Variants in CALD1 observed in about 807,000 individuals in gnomAD.
CALD1 encodes caldesmon 1.
In CALD1, 33 loss-of-function variants were observed where a neutral mutation model predicts 99.9. That is an observed-to-expected ratio of 0.33 (90% CI 0.25 to 0.44). CALD1 has a LOEUF of 0.44. CALD1 is among the 20% of genes least tolerant of loss of function. CALD1 has a pLI of 1.00. For synonymous variants in CALD1, 310 were observed against 325.0 expected (o/e 0.95, Z 0.50); for missense variants, 861 against 962.1 (o/e 0.89, Z 1.39).
intron 3 of CALD1, among the ~76,000 whole-genome samples, chr7:134,925,656 C>T (rs1215343886): frequency 3.3e-5 from 5 of 152,164 alleles, no homozygotes; most frequent in African/African-American, 7.2e-5. Context: ...AATTCACTCA[C>T]TGTCACGAGC....
chr7:134,888,496 T>C (rs1294057628), intron 3 of CALD1, among the ~76,000 whole-genome samples: 2 of 152,204 alleles, frequency 1.3e-5, no homozygotes, highest in Admixed American at 1.3e-4. Flanking sequence ...TCCTCTTACC[T>C]TGCCTCTCCA....
intron 2 of CALD1, among the ~76,000 whole-genome samples, chr7:134,858,029 T>A (rs1318089694): frequency 6.6e-6 from 1 of 152,084 alleles, no homozygotes; most frequent in African/African-American, 2.4e-5. Flanking sequence ...ACTGGAAGTG[T>A]TAGTTGAACA....
At chr7:134,828,290 A>T (rs1799084448) in intron 1 of CALD1, among the ~76,000 whole-genome samples, 1 of 152,266 alleles carries the variant, frequency 6.6e-6, no homozygotes, top group Non-Finnish European at 1.5e-5. Flanking sequence ...AATGTGGCTC[A>T]GAGTATATTT....
chr7:134,827,604 T>C (rs1384346788), intron 1 of CALD1, among the ~76,000 whole-genome samples: 1 of 152,214 alleles, frequency 6.6e-6, no homozygotes, highest in Non-Finnish European at 1.5e-5. Flanking sequence ...TTTCTGGACT[T>C]GGCCAGATGA....
chr7:134,929,115 C>T (rs565202369), intron 4 of CALD1, among the ~76,000 whole-genome samples: 6 of 152,296 alleles, frequency 3.9e-5, no homozygotes, highest in African/African-American at 1.4e-4. Flanking sequence ...CTCTCCACCC[C>T]GTTCCCATCT....
intron 1 of CALD1, among the ~76,000 whole-genome samples, chr7:134,824,904 T>C (rs1313429151): frequency 6.6e-6 from 1 of 152,192 alleles, no homozygotes; most frequent in African/African-American, 2.4e-5. Flanking sequence ...CTCCAGGGCC[T>C]GATGTCTCTG....
Position 134,874,811 on chromosome 7 carries a change from C to T in CALD1, c.71+7007C>T, listed in dbSNP as rs543403942. On this transcript the variant is annotated intron_variant, in intron 3 of 14. Coordinates refer to ENST00000361675, the MANE Select transcript of CALD1 (RefSeq NM_033138.4). ...TTTGAAAGTAAATATTTTTACTACACTATAAAAAGAAGCAATTTTTTAAAA... is the reference window on the plus strand; with the variant it reads ...TTTGAAAGTAAATATTTTTACTACATTATAAAAAGAAGCAATTTTTTAAAA... 1.2e-3 allele frequency among the ~76,000 whole-genome samples: 178 copies of T among 152,312 alleles called. 1 individual carries two copies. Among genetic ancestry groups the T allele is most frequent in the South Asian group, 6.4e-3 (31 of 4,826 alleles).
At position 134,910,652 on chromosome 7, in the gene CALD1, T is replaced by TACAC. The variant is rs146858263; in HGVS notation, c.72-18087_72-18084dup. ...AAGACTGATGGCACATGCACACACG[T>TACAC]ACACACACACACACACACGCTCTTG... On this transcript the variant is annotated intron_variant, in intron 3 of 14. Coordinates refer to ENST00000361675, the MANE Select transcript of CALD1 (RefSeq NM_033138.4). 4.1e-3 allele frequency among the ~76,000 whole-genome samples: 608 copies of TACAC among 149,500 alleles called. 5 individuals carry two copies. Among genetic ancestry groups the TACAC allele is most frequent in the African/African-American group, 0.014 (563 of 40,960 alleles).
chr7:134,898,584 A>AT (rs1802747344), intron 3 of CALD1, among the ~76,000 whole-genome samples: 1 of 150,000 alleles, frequency 6.7e-6, no homozygotes, highest in Non-Finnish European at 1.5e-5. Context: ...TTTTATTTTT[A>AT]TTTTTTTGAG....
chr7:134,806,658 AG>A (rs1798150415), intron 1 of CALD1, among the ~76,000 whole-genome samples: 1 of 152,258 alleles, frequency 6.6e-6, no homozygotes, highest in African/African-American at 2.4e-5. Context: ...AAAAGTCTAA[AG>A]TTATTGATTC....
At chr7:134,777,146 C>CT (rs920011561), upstream of CALD1, among the ~76,000 whole-genome samples, 5 of 151,268 alleles carry the variant, frequency 3.3e-5, no homozygotes, top group African/African-American at 4.9e-5. Context: ...CAACATGTAT[C>CT]TTTTTTTTTC....
chr7:134,968,668 T>C lies in CALD1; in HGVS notation c.*323T>C. ...ATCTGAAGTCAACAGAAGATCCAAG[T>C]TTAAAATTGCCTGCGGAATGTGTGC... is the stretch of plus-strand genomic sequence containing the variant. On this transcript the variant is annotated 3_prime_UTR_variant, in exon 15 of 15. Coordinates refer to ENST00000361675, the MANE Select transcript of CALD1 (RefSeq NM_033138.4). 1 of 559,772 alleles carries C rather than the reference T, an allele frequency of 1.8e-6. No homozygotes were observed. The highest frequency in any genetic ancestry group is 3.4e-6 in the Non-Finnish European group (1 of 296,656). The allele number at this position is 559,772 out of a possible 1,614,324, so 34.7% of individuals were successfully genotyped here.
intron 5 of CALD1, among the ~76,000 whole-genome samples, chr7:134,934,568 T>C (rs1018744890): frequency 1.3e-5 from 2 of 151,950 alleles, no homozygotes; most frequent in African/African-American, 4.8e-5. Flanking sequence ...TGAAGAATAA[T>C]GGTCAGACAT....
At chr7:134,782,015 T>C (rs983159917) in intron 1 of CALD1, among the ~76,000 whole-genome samples, 3 of 152,218 alleles carry the variant, frequency 2.0e-5, no homozygotes, top group African/African-American at 7.2e-5. Context: ...TGGCCAGCCA[T>C]GTAAAGGTCC....
chr7:134,827,913 G>A (rs1231292054), intron 1 of CALD1, among the ~76,000 whole-genome samples: 4 of 152,220 alleles, frequency 2.6e-5, no homozygotes, highest in Non-Finnish European at 4.4e-5. Context: ...ATATTCAATA[G>A]ACTATCACCA....
chr7:134,781,044 G>A, intron 1 of CALD1, among the ~76,000 whole-genome samples: 1 of 152,166 alleles, frequency 6.6e-6, no homozygotes, highest in Non-Finnish European at 1.5e-5. Flanking sequence ...TCTTGGGAAT[G>A]CCTATTTCTC....
chr7:134,857,526 C>A (rs1360942775), intron 2 of CALD1, among the ~76,000 whole-genome samples: 1 of 151,968 alleles, frequency 6.6e-6, no homozygotes, highest in Non-Finnish European at 1.5e-5. Context: ...TCCAGGTATC[C>A]CCAAACTAAT....
At chr7:134,911,578 A>G (rs1803815114) in intron 3 of CALD1, among the ~76,000 whole-genome samples, 1 of 152,198 alleles carries the variant, frequency 6.6e-6, no homozygotes, top group Admixed American at 6.5e-5. Context: ...CTTTTAAGGA[A>G]GCACTGTTGT....
At chr7:134,736,156 G>C in the CALD1 span, among the ~76,000 whole-genome samples, 1 of 152,124 alleles carries the variant, frequency 6.6e-6, no homozygotes, top group East Asian at 1.9e-4. Flanking sequence ...GAAAAGAGTG[G>C]AGGCAAAGGT....
Sources: allele counts gnomAD v4.1 joint callset (sites outside exome capture counted in the v4.1 genomes callset), GRCh38; gene constraint gnomAD v4.1.1; transcripts MANE v1.5; gene names NCBI Gene and HGNC (gene_info 2026-07-23, HGNC 2026-07-21).